EPHA6: variants seen among roughly 807,000 people sequenced by gnomAD.
The protein encoded by EPHA6 is ephrin type-A receptor 6.
A neutral mutation model predicts 112.0 loss-of-function variants in EPHA6; 50 were observed. The observed-to-expected ratio is 0.45, with a 90% CI of 0.36 to 0.56. The LOEUF (loss-of-function observed/expected upper bound fraction) is 0.56, where lower values mean the gene tolerates loss of function less well. Among genes scored for constraint, EPHA6 ranks in the 20% least tolerant of loss-of-function variants. The probability of loss-of-function intolerance (pLI) is 0.00; values close to 1 mark genes in which losing one functional copy is unlikely to be tolerated. For synonymous variants in EPHA6, 529 were observed against 490.7 expected, an observed-to-expected ratio of 1.08 and a Z score of -1.03; for missense variants, 1,280 against 1,417.4, an observed-to-expected ratio of 0.90 and a Z score of 1.56.
chr3:97,324,455 T>C (rs1048886640), intron 5 of EPHA6, among the ~76,000 whole-genome samples: 2 of 148,654 alleles, frequency 1.3e-5, no homozygotes, highest in Non-Finnish European at 1.5e-5. Context: ...CTTTCTTTCT[T>C]TCTTTCTTTC....
At chr3:97,740,001 G>A (rs1363200334) in intron 16 of EPHA6, among the ~76,000 whole-genome samples, 1 of 152,014 alleles carries the variant, frequency 6.6e-6, no homozygotes, top group African/African-American at 2.4e-5. Context: ...AACAGCATCT[G>A]GAGCAGTGCC....
At chr3:97,419,361 C>T (rs549080260) in intron 6 of EPHA6, among the ~76,000 whole-genome samples, 3 of 152,134 alleles carry the variant, frequency 2.0e-5, no homozygotes, top group African/African-American at 4.8e-5. Flanking sequence ...CGGTGGCTTA[C>T]GTCTGTAATC....
At chr3:97,094,297 C>A (rs1002357236) in intron 3 of EPHA6, among the ~76,000 whole-genome samples, 2 of 152,034 alleles carry the variant, frequency 1.3e-5, no homozygotes, top group Non-Finnish European at 2.9e-5. Context: ...TCTTATTAGA[C>A]CCCCCTAGCA....
chr3:96,906,726 C>T (rs918555423), intron 2 of EPHA6, among the ~76,000 whole-genome samples: 4 of 151,950 alleles, frequency 2.6e-5, no homozygotes, highest in African/African-American at 9.7e-5. Context: ...TGGCTTAGGA[C>T]AGCCATTGGG....
At chr3:97,138,268 G>A (rs536561584) in intron 3 of EPHA6, among the ~76,000 whole-genome samples, 27 of 152,226 alleles carry the variant, frequency 1.8e-4, no homozygotes, top group Admixed American at 5.2e-4. Flanking sequence ...CACGGACCCC[G>A]CTGAGCAACT....
chr3:97,053,258 G>A (rs1336831141), intron 3 of EPHA6, among the ~76,000 whole-genome samples: 3 of 152,054 alleles, frequency 2.0e-5, no homozygotes, highest in African/African-American at 2.4e-5. Context: ...GTTATAGTAA[G>A]TAAGGGTAGA....
chr3:97,450,272 T>A (rs772713452), intron 7 of EPHA6, among the ~76,000 whole-genome samples: 29 of 152,058 alleles, frequency 1.9e-4, no homozygotes, highest in Non-Finnish European at 3.5e-4. Context: ...AGCCTAGGTA[T>A]AAAGCTAAGG....
chr3:96,879,295 TTCTA>T (rs2037161540), intron 2 of EPHA6, among the ~76,000 whole-genome samples: 1 of 152,182 alleles, frequency 6.6e-6, no homozygotes, highest in South Asian at 2.1e-4. Context: ...TCAAATTTAT[TTCTA>T]TCTACCATAA....
At chr3:96,953,850 C>G (rs1393999760) in intron 2 of EPHA6, among the ~76,000 whole-genome samples, 1 of 151,898 alleles carries the variant, frequency 6.6e-6, no homozygotes, top group Non-Finnish European at 1.5e-5. Flanking sequence ...CAGGCTTTGT[C>G]TCCTTTCCCC....
At chr3:96,820,859 TAGTA>T (rs1312226867) in intron 1 of EPHA6, among the ~76,000 whole-genome samples, 1 of 151,950 alleles carries the variant, frequency 6.6e-6, no homozygotes, top group Non-Finnish European at 1.5e-5. Flanking sequence ...TATGGCAACA[TAGTA>T]AGCCAGCAGA....
At chr3:96,834,498 A>G (rs950503980) in intron 1 of EPHA6, among the ~76,000 whole-genome samples, 1 of 152,050 alleles carries the variant, frequency 6.6e-6, no homozygotes, top group Admixed American at 6.6e-5. Context: ...GAAAAGCTCA[A>G]GACGTCGGAG....
chr3:96,893,779 T>C (rs187528270), intron 2 of EPHA6, among the ~76,000 whole-genome samples: 1 of 152,294 alleles, frequency 6.6e-6, no homozygotes, highest in African/African-American at 2.4e-5. Flanking sequence ...AAAAAGATTG[T>C]TTGCTATGTT....
chr3:96,875,790 A>C (rs2036908318), intron 2 of EPHA6, among the ~76,000 whole-genome samples: 1 of 152,022 alleles, frequency 6.6e-6, no homozygotes, highest in African/African-American at 2.4e-5. Flanking sequence ...GGGTCTCATT[A>C]AGTCAAATCT....
chr3:97,193,941 T>G (rs994892065), intron 3 of EPHA6, among the ~76,000 whole-genome samples: 5 of 152,126 alleles, frequency 3.3e-5, no homozygotes, highest in Non-Finnish European at 5.9e-5. Flanking sequence ...TATATCACAT[T>G]GGTTGATTTC....
At chr3:97,521,634 C>T (rs2092544797) in intron 10 of EPHA6, among the ~76,000 whole-genome samples, 1 of 152,118 alleles carries the variant, frequency 6.6e-6, no homozygotes, top group Non-Finnish European at 1.5e-5. Context: ...CACTGGGTCC[C>T]TCCCATGACA....
intron 11 of EPHA6, among the ~76,000 whole-genome samples, chr3:97,563,563 G>A (rs938880895): frequency 2.0e-5 from 3 of 152,120 alleles, no homozygotes; most frequent in Non-Finnish European, 2.9e-5. Flanking sequence ...AGATGTATAC[G>A]TTCAAACCAT....
chr3:96,933,877 G>A (rs758247475), intron 2 of EPHA6, among the ~76,000 whole-genome samples: 8 of 151,974 alleles, frequency 5.3e-5, no homozygotes, highest in African/African-American at 1.9e-4. Context: ...TTATCCTGTT[G>A]TGTAACAGGA....
intron 9 of EPHA6, chr3:97,481,367 G>A: frequency 1.3e-6 from 2 of 1,540,288 alleles, no homozygotes; most frequent in Non-Finnish European, 1.8e-6. Context: ...GCTATTCTGA[G>A]AAGGAGTTTC....
rs1417182655 is a variant in EPHA6, at chr3:97,752,875, AAGCATATGTATCACTTCTTTTAGTATG to A, written c.*4180_*4206del. 6.6e-6 allele frequency among the ~76,000 whole-genome samples: 1 copy of A among 151,804 alleles called. No individual in the cohort carries two copies. Among genetic ancestry groups the A allele is most frequent in the African/African-American group, 2.4e-5 (1 of 41,160 alleles). On this transcript the variant is annotated 3_prime_UTR_variant, in exon 18 of 18. Coordinates refer to ENST00000389672, the MANE Select transcript of EPHA6 (RefSeq NM_001080448.3). ...TGTCTCTATATATCAAAGAGATTTGAAGCATATGTATCACTTCTTTTAGTATGAGCATCTTAACTTTTCCAATCTCAA... is the reference window on the plus strand; with the variant it reads ...TGTCTCTATATATCAAAGAGATTTGAAGCATCTTAACTTTTCCAATCTCAA...
Sources: gnomAD v4.1 joint callset for allele counts (sites outside exome capture counted in the v4.1 genomes callset) on GRCh38, gnomAD v4.1.1 for gene constraint, MANE v1.5 for transcripts, NCBI Gene and HGNC (gene_info 2026-07-23, HGNC 2026-07-21) for gene names.